BCKDHA: variants seen among roughly 807,000 people sequenced by gnomAD.
BCKDHA encodes the protein 2-oxoisovalerate dehydrogenase subunit alpha, mitochondrial.
Under a neutral mutation model 52.2 loss-of-function variants are expected in BCKDHA, and 43 were observed. The observed-to-expected ratio is 0.82, with a 90% CI of 0.64 to 1.06. BCKDHA has a LOEUF of 1.06. BCKDHA is among the 50% of genes least tolerant of loss of function. The probability of loss-of-function intolerance (pLI) is 0.00; values close to 1 mark genes in which losing one functional copy is unlikely to be tolerated. For missense variants in BCKDHA, 527 were observed against 621.3 expected, an observed-to-expected ratio of 0.85 and a Z score of 1.61; for synonymous variants, 234 against 247.9, an observed-to-expected ratio of 0.94 and a Z score of 0.53.
At chr19:41,419,442 C>T in intron 5 of BCKDHA, 146 bp downstream of exon 5, 1 of 1,118,332 alleles carries the variant, frequency 8.9e-7, no homozygotes. Flanking sequence ...ACTTCTTCTT[C>T]TTATTTTTTT....
At chr19:41,399,705 C>CT (rs1198574235) in intron 1 of BCKDHA, 1 of 149,622 alleles carries the variant, frequency 6.7e-6, no homozygotes, top group Non-Finnish European at 1.5e-5. Flanking sequence ...TTTTTCTTTT[C>CT]TTTTCTTTTT....
chr19:41,401,980 A>G (rs1447077910), intron 1 of BCKDHA, among the ~76,000 whole-genome samples: 2 of 152,204 alleles, frequency 1.3e-5, no homozygotes, highest in African/African-American at 2.4e-5. Context: ...TATAAAGAAA[A>G]AGAGGCTTAA....
intron 5 of BCKDHA, among the ~76,000 whole-genome samples, chr19:41,421,388 T>C (rs901991016): frequency 4.6e-5 from 7 of 151,552 alleles, no homozygotes; most frequent in African/African-American, 1.7e-4. Flanking sequence ...GCCAGCCGGG[T>C]GTGGTGCACT....
intron 5 of BCKDHA, among the ~76,000 whole-genome samples, chr19:41,419,746 C>CTTTTTTTTT (rs201343587): frequency 7.8e-6 from 1 of 127,850 alleles, no homozygotes; most frequent in Non-Finnish European, 1.7e-5. Flanking sequence ...GCCCAGCCCA[C>CTTTTTTTTT]TTTTTTTTTT....
At position 41,422,187 on chromosome 19, in the gene BCKDHA, A is replaced by G. The variant is rs1440985394; in HGVS notation, c.670A>G (p.Lys224Glu). The change falls in exon 6 of 9, where the codon AAG becomes GAG. Residue 224 changes from lysine (K) to glutamate (E), a missense_variant. By Grantham distance (56) the Lys-to-Glu change is moderately conservative (BLOSUM62 1). Transcript: ENST00000269980. ...PQAVGAAYAA[K>E]RANANRVVIC... ...AGCGGTGGGGGCGGCGTACGCAGCC[A>G]AGCGGGCCAATGCCAACAGGGTCGT... is the stretch of plus-strand genomic sequence containing the variant. 6.2e-7 allele frequency: 1 copy of G among 1,614,000 alleles called. No homozygotes were observed.
chr19:41,416,691 G>C (rs144639686), intron 4 of BCKDHA, among the ~76,000 whole-genome samples: 1 of 152,080 alleles, frequency 6.6e-6, no homozygotes, highest in Admixed American at 6.6e-5. Context: ...AGGCTGAGGC[G>C]GGAGGATTGC....
chr19:41,423,179 C>G lies in BCKDHA; in HGVS notation c.1167+10C>G, dbSNP rs1425545724. On this transcript the variant is annotated intron_variant, in intron 8 of 8. Coordinates refer to ENST00000269980, the MANE Select transcript of BCKDHA (RefSeq NM_000709.4). ...GCAGTCCCGCAGGAAGGTGAGGGTG[C>G]CCCGCCCGGGAGGGTGTGCTGGGGG... The G allele has an allele frequency of 6.4e-7, 1 of 1,551,132 alleles. No individual in the cohort carries two copies. The highest frequency in any genetic ancestry group is 8.7e-7 in the Non-Finnish European group (1 of 1,147,628).
At position 41,424,614 on chromosome 19, in the gene BCKDHA, G is replaced by A. The variant is rs1169175896; in HGVS notation, c.*6G>A. 4 of 1,581,572 alleles carry A rather than the reference G, an allele frequency of 2.5e-6. No individual in the cohort carries two copies. The South Asian group carries it at 4.6e-5, about 18-fold the overall frequency. On this transcript the variant is annotated 3_prime_UTR_variant, in exon 9 of 9. Coordinates refer to ENST00000269980, the MANE Select transcript of BCKDHA (RefSeq NM_000709.4). The stretch of plus-strand genomic sequence containing the variant: ...TGGATCACTTCGATAAGTGAGACCT[G>A]CTCAGCCCACCCCCACCCATCCTCA...
At chr19:41,420,762 A>G (rs890600714) in intron 5 of BCKDHA, among the ~76,000 whole-genome samples, 2 of 152,198 alleles carry the variant, frequency 1.3e-5, no homozygotes, top group African/African-American at 4.8e-5. Context: ...AAGCTTCCCC[A>G]AAGCTTACCG....
chr19:41,410,522 GT>G, intron 1 of BCKDHA, 114 bp from the exon 2 acceptor site: 1 of 1,216,478 alleles, frequency 8.2e-7, no homozygotes, highest in Non-Finnish European at 1.2e-6. Flanking sequence ...AGGCCCCAGA[GT>G]TCACTGGGGC....
At chr19:41,413,922 C>A in intron 3 of BCKDHA, 127 bp from the exon 4 acceptor site, 1 of 818,398 alleles carries the variant, frequency 1.2e-6, no homozygotes. Flanking sequence ...CATGGCCTGG[C>A]CCAGGACTGG....
chr19:41,410,587 A>T, intron 1 of BCKDHA, 50 bp from the exon 2 acceptor site: 1 of 1,610,186 alleles, frequency 6.2e-7, no homozygotes, highest in Non-Finnish European at 8.5e-7. Flanking sequence ...GCCAGCGGAA[A>T]CCTGGGTGCT....
chr19:41,411,111 T>C (rs552552525), intron 3 of BCKDHA, 102 bp downstream of exon 3: 6 of 1,307,582 alleles, frequency 4.6e-6, no homozygotes, highest in Non-Finnish European at 6.5e-6. Flanking sequence ...AGATTCTTTT[T>C]TGGGGGGGTT....
chr19:41,402,003 T>A (rs1370753185), intron 1 of BCKDHA, among the ~76,000 whole-genome samples: 1 of 152,104 alleles, frequency 6.6e-6, no homozygotes, highest in Non-Finnish European at 1.5e-5. Context: ...GACTCACAGT[T>A]CCACATGGCT....
At chr19:41,417,190 A>AT (rs1248417339) in intron 4 of BCKDHA, among the ~76,000 whole-genome samples, 5 of 149,776 alleles carry the variant, frequency 3.3e-5, no homozygotes, top group African/African-American at 1.2e-4. Context: ...TTTTTTTTTG[A>AT]TTTTTGGTAG....
intron 4 of BCKDHA, among the ~76,000 whole-genome samples, chr19:41,418,193 G>C (rs918018328): frequency 6.6e-6 from 1 of 151,636 alleles, no homozygotes; most frequent in African/African-American, 2.4e-5. Context: ...AAAGGATTTG[G>C]AAAGCACTGT....
At chr19:41,422,495 A>G (rs2039378658) in intron 6 of BCKDHA, 125 bp downstream of exon 6, 4 of 1,569,238 alleles carry the variant, frequency 2.5e-6, no homozygotes, top group Non-Finnish European at 3.5e-6. Flanking sequence ...GGCGTCTGGC[A>G]CTTGGTCAGC....
Position 41,397,952 on chromosome 19 carries a change from C to T in BCKDHA, c.108+17C>T, listed in dbSNP as rs1568499711. 1 of 1,610,462 alleles carries T rather than the reference C, an allele frequency of 6.2e-7. No homozygotes were observed. The highest frequency in any genetic ancestry group is 1.1e-5 in the South Asian group (1 of 90,978). On this transcript the variant is annotated intron_variant, in intron 1 of 8. Transcript: ENST00000269980. Reference sequence around the variant, plus strand: ...GCTAGATCTGTGAGTACCTGGGCCCCAGGCGGTTTTCCCAAAGGGGATTAG... The same window carrying T: ...GCTAGATCTGTGAGTACCTGGGCCCTAGGCGGTTTTCCCAAAGGGGATTAG...
chr19:41,417,170 C>G (rs2039314955), intron 4 of BCKDHA, among the ~76,000 whole-genome samples: 1 of 150,432 alleles, frequency 6.6e-6, no homozygotes, highest in Non-Finnish European at 1.5e-5. Context: ...CGCCACCACA[C>G]CTGGCTAATT....
Sources: allele counts gnomAD v4.1 joint callset (sites outside exome capture counted in the v4.1 genomes callset), GRCh38; gene constraint gnomAD v4.1.1; transcripts MANE v1.5; gene names NCBI Gene and HGNC (gene_info 2026-07-23, HGNC 2026-07-21).